DAB1: variants seen among roughly 807,000 people sequenced by gnomAD.
DAB1 encodes DAB adaptor protein 1, also known as disabled homolog 1.
In DAB1, 15 loss-of-function variants were observed where a neutral mutation model predicts 64.6. That is an observed-to-expected ratio of 0.23 (90% CI 0.16 to 0.36). The LOEUF is 0.36. Among genes scored for constraint, DAB1 ranks in the 10% least tolerant of loss-of-function variants. DAB1 has a pLI of 1.00. For synonymous variants in DAB1, 235 were observed against 251.9 expected, an observed-to-expected ratio of 0.93 and a Z score of 0.64; for missense variants, 596 against 706.7, an observed-to-expected ratio of 0.84 and a Z score of 1.78.
intron 9 of DAB1, among the ~76,000 whole-genome samples, chr1:57,058,429 T>C (rs148363409): frequency 2.6e-5 from 4 of 152,338 alleles, no homozygotes; most frequent in East Asian, 1.9e-4. Flanking sequence ...ACACAGGGAT[T>C]CATTTGTTCA....
intron 2 of DAB1, among the ~76,000 whole-genome samples, chr1:57,185,515 G>T (rs1663452733): frequency 8.4e-6 from 1 of 119,264 alleles, no homozygotes; most frequent in African/African-American, 3.7e-5. Flanking sequence ...GGAATCCTAG[G>T]CAACCAAGAC....
At chr1:58,241,415 C>T (rs1339234223) in intron 4 of DAB1, among the ~76,000 whole-genome samples, 1 of 151,898 alleles carries the variant, frequency 6.6e-6, no homozygotes, top group African/African-American at 2.4e-5. Context: ...GTACCTAAAC[C>T]CCTTTGAGCC....
chr1:57,097,209 C>T (rs1003550856), intron 4 of DAB1, among the ~76,000 whole-genome samples: 5 of 152,138 alleles, frequency 3.3e-5, no homozygotes, highest in African/African-American at 9.7e-5. Flanking sequence ...ATAAACACCA[C>T]CTGATGTATA....
intron 14 of DAB1, among the ~76,000 whole-genome samples, chr1:56,998,566 T>A (rs1335379012): frequency 6.6e-6 from 1 of 152,226 alleles, no homozygotes; most frequent in Non-Finnish European, 1.5e-5. Context: ...CAGAAATTGC[T>A]AACAATTACC....
At chr1:57,725,871 G>T (rs1325650344) in intron 6 of DAB1, among the ~76,000 whole-genome samples, 1 of 151,864 alleles carries the variant, frequency 6.6e-6, no homozygotes, top group Non-Finnish European at 1.5e-5. Flanking sequence ...CCTGCCTCAG[G>T]CTTCCAAGTA....
chr1:57,197,356 AAAG>A (rs1664713924), intron 2 of DAB1, among the ~76,000 whole-genome samples: 1 of 68,198 alleles, frequency 1.5e-5, no homozygotes, highest in Non-Finnish European at 3.5e-5. Flanking sequence ...AAAAAAAAAA[AAAG>A]AAAGAAAGTT....
intron 6 of DAB1, among the ~76,000 whole-genome samples, chr1:57,695,391 A>AG (rs1646827855): frequency 3.2e-5 from 3 of 92,386 alleles, no homozygotes; most frequent in Admixed American, 2.0e-4. Context: ...AAAGAAAGAA[A>AG]GAAAGAAAGA....
chr1:58,485,467 C>A (rs1645561599), intron 3 of DAB1, among the ~76,000 whole-genome samples: 1 of 151,664 alleles, frequency 6.6e-6, no homozygotes, highest in African/African-American at 2.4e-5. Flanking sequence ...TCTATCACTA[C>A]TTCTTCATGT....
At chr1:58,397,047 G>A (rs11806012) in intron 3 of DAB1, among the ~76,000 whole-genome samples, 6 of 150,694 alleles carry the variant, frequency 4.0e-5, no homozygotes, top group African/African-American at 1.2e-4. Context: ...CCTGGGCGAC[G>A]GAGCGAGACT....
chr1:58,292,753 A>C (rs1661876058), intron 4 of DAB1, among the ~76,000 whole-genome samples: 1 of 152,214 alleles, frequency 6.6e-6, no homozygotes, highest in Admixed American at 6.5e-5. Flanking sequence ...GAAAGTCCCC[A>C]GAGATACATG....
intron 4 of DAB1, among the ~76,000 whole-genome samples, chr1:58,226,022 G>C (rs941400466): frequency 1.7e-4 from 26 of 151,034 alleles, no homozygotes; most frequent in Admixed American, 5.9e-4. Context: ...ATTCACAAGG[G>C]AGCTTGAGCC....
At chr1:57,006,591 T>A (rs1018757212) in intron 14 of DAB1, among the ~76,000 whole-genome samples, 5 of 152,210 alleles carry the variant, frequency 3.3e-5, no homozygotes, top group African/African-American at 9.6e-5. Context: ...CATCACTTTC[T>A]AGCTACAGGA....
chr1:58,333,623 ATCT>A (rs1240687017), intron 4 of DAB1, among the ~76,000 whole-genome samples: 1 of 152,248 alleles, frequency 6.6e-6, no homozygotes, highest in Non-Finnish European at 1.5e-5. Context: ...AGAGAAAAAG[ATCT>A]TCTGAACAGT....
intron 5 of DAB1, among the ~76,000 whole-genome samples, chr1:58,145,235 A>C (rs964274720): frequency 2.6e-5 from 4 of 152,240 alleles, no homozygotes; most frequent in Non-Finnish European, 5.9e-5. Flanking sequence ...ATGGTAGCAC[A>C]GATCCCTCAT....
intron 3 of DAB1, among the ~76,000 whole-genome samples, chr1:58,365,742 C>T (rs1644210475): frequency 6.6e-6 from 1 of 152,120 alleles, no homozygotes. Flanking sequence ...AAGATAAGCA[C>T]CAAGGGCACA....
intron 6 of DAB1, among the ~76,000 whole-genome samples, chr1:57,736,868 C>T (rs897529647): frequency 3.2e-4 from 49 of 152,102 alleles, no homozygotes; most frequent in Non-Finnish European, 1.3e-4. Context: ...AGTCAATATC[C>T]CAGCCTGAAA....
At chr1:58,412,232 G>T (rs1434125338) in intron 3 of DAB1, among the ~76,000 whole-genome samples, 1 of 152,148 alleles carries the variant, frequency 6.6e-6, no homozygotes, top group Non-Finnish European at 1.5e-5. Context: ...GTGCTAAGTA[G>T]GGAAAAGCAG....
chr1:57,660,478 C>T (rs1646373716), intron 6 of DAB1, among the ~76,000 whole-genome samples: 1 of 152,150 alleles, frequency 6.6e-6, no homozygotes, highest in African/African-American at 2.4e-5. Context: ...GTGTTGTAAA[C>T]CTTTTGTATA....
chr1:57,580,641 T>C (rs1170764235), intron 7 of DAB1, among the ~76,000 whole-genome samples: 2 of 152,122 alleles, frequency 1.3e-5, no homozygotes, highest in Non-Finnish European at 2.9e-5. Flanking sequence ...GGGTAAAGGC[T>C]TGAGAAGATG....
Sources: gnomAD v4.1 joint callset for allele counts (sites outside exome capture counted in the v4.1 genomes callset) on GRCh38, gnomAD v4.1.1 for gene constraint, MANE v1.5 for transcripts, NCBI Gene and HGNC (gene_info 2026-07-23, HGNC 2026-07-21) for gene names.